OGDHL: variants seen among roughly 807,000 people sequenced by gnomAD.
OGDHL encodes 2-oxoglutarate dehydrogenase-like, mitochondrial.
OGDHL carries 79 observed loss-of-function variants against 109.6 expected under a neutral mutation model. The observed-to-expected ratio is 0.72, with a 90% CI of 0.60 to 0.87. OGDHL has a LOEUF of 0.87. Among genes scored for constraint, OGDHL ranks in the 40% least tolerant of loss-of-function variants. The pLI is 0.00. For missense variants in OGDHL, 1,275 were observed against 1,362.2 expected (o/e 0.94, Z 1.01); for synonymous variants, 528 against 537.2 (o/e 0.98, Z 0.24).
intron 14 of OGDHL, chr10:49,743,710 A>G: frequency 3.6e-6 from 1 of 280,700 alleles, no homozygotes; most frequent in Non-Finnish European, 6.7e-6. Context: ...TGACCCAGGG[A>G]CGCCCCGGCA....
At chr10:49,743,318 C>T (rs1052048702) in intron 14 of OGDHL, among the ~76,000 whole-genome samples, 3 of 152,196 alleles carry the variant, frequency 2.0e-5, no homozygotes, top group Non-Finnish European at 4.4e-5. Context: ...CCTGTCAGCC[C>T]CACACACAGA....
intron 15 of OGDHL, among the ~76,000 whole-genome samples, 184 bp downstream of exon 15, chr10:49,742,644 C>T (rs1351914394): frequency 6.6e-6 from 1 of 151,824 alleles, no homozygotes; most frequent in Non-Finnish European, 1.5e-5. Context: ...TTGGGCCCAG[C>T]AGTGAGCTCT....
intron 16 of OGDHL, among the ~76,000 whole-genome samples, chr10:49,740,172 G>C (rs1841539180): frequency 1.3e-5 from 2 of 152,182 alleles, no homozygotes. Flanking sequence ...CAGCCCTAGA[G>C]GCATCTGCCT....
chr10:49,743,825 A>C, intron 14 of OGDHL, 169 bp downstream of exon 14: 1 of 745,722 alleles, frequency 1.3e-6, no homozygotes, highest in South Asian at 2.1e-5. Context: ...CACCCTGAAA[A>C]GAGCTACTGT....
In OGDHL at chr10:49,756,772, T is replaced by C. The variant is rs755326659; in HGVS notation, c.375+4A>G. ...TCCCAGGCTGTGCCTCAGCTGCCCC[T>C]CACCTGGTAGGCCCGGATCAGGGAC... is the stretch of plus-strand genomic sequence containing the variant. On this transcript the variant is annotated splice_donor_region_variant and intron_variant, in intron 3 of 22. Coordinates refer to ENST00000374103, the MANE Select transcript of OGDHL (RefSeq NM_018245.3). 2 of 1,611,172 alleles carry C rather than the reference T, an allele frequency of 1.2e-6. No individual in the cohort carries two copies. The highest frequency in any genetic ancestry group is 3.3e-5 in the Admixed American group (2 of 59,896).
At position 49,737,860 on chromosome 10, in the gene OGDHL, T is replaced by G; in HGVS notation, c.2518-2A>C. 6.2e-7 allele frequency: 1 copy of G among 1,614,118 alleles called. No homozygotes were observed. Among genetic ancestry groups the G allele is most frequent in the South Asian group, 1.1e-5 (1 of 91,090 alleles). ...AGATTTAGGTGTGAAGATAATCAGC[T>G]GGAAGGGAAATACACGCCCAGCTGC... On this transcript the variant is annotated splice_acceptor_variant, in intron 19 of 22. Transcript: ENST00000374103. LOFTEE classifies it high-confidence loss of function.
rs199729908 is a variant in OGDHL at position 49,737,843 on chromosome 10, G to A, written c.2533C>T (p.Pro845Ser). The A allele has an allele frequency of 6.2e-7, 1 of 1,614,210 alleles. No individual in the cohort carries two copies. Among genetic ancestry groups the A allele is most frequent in the Non-Finnish European group, 8.5e-7 (1 of 1,180,026 alleles). Residue 845 changes from proline (P) to serine (S), a missense_variant, in exon 20 of 23, where the codon CCT becomes TCT. Pro to Ser is a moderately conservative substitution (Grantham distance 74, BLOSUM62 -1). Coordinates refer to ENST00000374103, the MANE Select transcript of OGDHL (RefSeq NM_018245.3). Reference sequence around the variant, plus strand: ...TCTGGGTGCCTCAGCAGAGATTTAGGTGTGAAGATAATCAGCTGGAAGGGA... The same window carrying A: ...TCTGGGTGCCTCAGCAGAGATTTAGATGTGAAGATAATCAGCTGGAAGGGA... ...PFRKPLIIFT[P>S]KSLLRHPEAK...
chr10:49,736,620 A>G (rs1262257870), intron 20 of OGDHL, 100 bp from the exon 21 acceptor site: 2 of 1,321,620 alleles, frequency 1.5e-6, no homozygotes, highest in Admixed American at 2.4e-5. Flanking sequence ...AGCCACTGAC[A>G]CTAACTGCAG....
In OGDHL at chr10:49,751,782, C is replaced by T. The variant is rs751014817; in HGVS notation, c.749+45G>A. 4 of 1,600,938 alleles carry T rather than the reference C, an allele frequency of 2.5e-6. 1 individual carries two copies. In the South Asian group the frequency reaches 4.5e-5, roughly 18 times the overall value. On this transcript the variant is annotated intron_variant, in intron 6 of 22. Transcript: ENST00000374103. ...AGGGTGTGGGACGTCTCATAGAGCC[C>T]TGGAGCAGGACCTCCAGCCACTTGG...
At chr10:49,748,784 A>ACACG (rs1491534535) in intron 8 of OGDHL, among the ~76,000 whole-genome samples, 66 of 151,070 alleles carry the variant, frequency 4.4e-4, no homozygotes, top group Admixed American at 4.3e-3. Context: ...ACACACACAC[A>ACACG]CGGCAGCAGG....
At chr10:49,744,366 G>T (rs78892039) in intron 13 of OGDHL, among the ~76,000 whole-genome samples, 2,091 of 152,192 alleles carry the variant, frequency 0.014, 51 homozygotes, top group African/African-American at 0.046. Context: ...CCCCAGGGAG[G>T]CCCTCTGAGC....
At chr10:49,749,650 C>T (rs1564546834) in intron 8 of OGDHL, 76 bp downstream of exon 8, 7 of 1,284,716 alleles carry the variant, frequency 5.4e-6, no homozygotes, top group African/African-American at 4.4e-5. Context: ...CGGAAGCTCC[C>T]GGCTCAGCCC....
chr10:49,744,562 C>G, intron 13 of OGDHL, 88 bp downstream of exon 13: 1 of 1,031,038 alleles, frequency 9.7e-7, no homozygotes, highest in Non-Finnish European at 1.5e-6. Flanking sequence ...GCAATGACAG[C>G]TGTCACCCAG....
chr10:49,752,432 G>T (rs2133073101), intron 4 of OGDHL, among the ~76,000 whole-genome samples, 184 bp from the exon 5 acceptor site: 1 of 152,296 alleles, frequency 6.6e-6, no homozygotes, highest in South Asian at 2.1e-4. Flanking sequence ...TCTCAGGCTT[G>T]AACACATGGG....
chr10:49,749,833 C>T lies in OGDHL; in HGVS notation c.897-17G>A, dbSNP rs995083206. On this transcript the variant is annotated splice_polypyrimidine_tract_variant and intron_variant, in intron 7 of 22. Transcript: ENST00000374103. The stretch of plus-strand genomic sequence containing the variant: ...AGCCTTCCCCTGGAGCCAGAGGGGC[C>T]GGGCTCTCACCTGGCAAAGCCCGCA... 25 of 1,574,610 alleles carry T rather than the reference C, an allele frequency of 1.6e-5. No individual in the cohort carries two copies. Among genetic ancestry groups the T allele is most frequent in the African/African-American group, 1.1e-4 (8 of 74,304 alleles).
chr10:49,740,954 C>T, intron 15 of OGDHL, 117 bp from the exon 16 acceptor site: 1 of 1,297,914 alleles, frequency 7.7e-7, no homozygotes, highest in Non-Finnish European at 1.1e-6. Context: ...TCCCAGGAAA[C>T]CTGCAGGGTC....
chr10:49,735,075 C>G lies in OGDHL; in HGVS notation c.*153G>C. On this transcript the variant is annotated 3_prime_UTR_variant, in exon 23 of 23. Coordinates refer to ENST00000374103, the MANE Select transcript of OGDHL (RefSeq NM_018245.3). ...GTAGATTCTGGCATGACACCAAGGC[C>G]AGCAGTGCTGGCTCTTGGCCCTGTC... 1.1e-6 allele frequency: 1 copy of G among 909,668 alleles called. No homozygotes were observed. The highest frequency in any genetic ancestry group is 1.6e-6 in the Non-Finnish European group (1 of 606,510). The allele number at this position is 909,668 out of a possible 1,614,324, so 56.3% of individuals were successfully genotyped here. A position where few individuals can be genotyped will look rare whatever the true frequency, so the allele number is the denominator to read the frequency against.
intron 17 of OGDHL, chr10:49,738,676 C>G: frequency 4.7e-6 from 1 of 212,674 alleles, no homozygotes; most frequent in Non-Finnish European, 9.6e-6. Flanking sequence ...GATGAAGAGG[C>G]AAGGAGAGGG....
intron 17 of OGDHL, 124 bp downstream of exon 17, chr10:49,739,537 C>T (rs1173802516): frequency 4.1e-5 from 49 of 1,197,914 alleles, no homozygotes; most frequent in Non-Finnish European, 5.5e-5. Context: ...CCTGCACAGA[C>T]CCACGTGCTC....
Sources: allele counts gnomAD v4.1 joint callset (sites outside exome capture counted in the v4.1 genomes callset), GRCh38; gene constraint gnomAD v4.1.1; transcripts MANE v1.5; gene names NCBI Gene and HGNC (gene_info 2026-07-23, HGNC 2026-07-21).